The following CADPS variants were observed in gnomAD, a reference collection of about 807,000 sequenced individuals.
CADPS encodes calcium dependent secretion activator.
In CADPS, 57 loss-of-function variants were observed where a neutral mutation model predicts 167.3. The ratio of observed to expected loss-of-function variants is 0.34; its 90% CI spans 0.28 to 0.42. The LOEUF (loss-of-function observed/expected upper bound fraction) is 0.42, where lower values mean the gene tolerates loss of function less well. CADPS is among the 20% of genes least tolerant of loss of function. The pLI is 1.00. For synonymous variants in CADPS, 676 were observed against 635.3 expected (o/e 1.06, Z -0.96); for missense variants, 1,414 against 1,738.1 (o/e 0.81, Z 3.32).
At chr3:62,846,348 TA>T (rs2153072382) in intron 1 of CADPS, among the ~76,000 whole-genome samples, 1 of 152,358 alleles carries the variant, frequency 6.6e-6, no homozygotes, top group African/African-American at 2.4e-5. Flanking sequence ...GTGTAATGTA[TA>T]AATGTATAAT....
At chr3:62,648,764 C>T (rs1410878578) in intron 5 of CADPS, among the ~76,000 whole-genome samples, 4 of 149,302 alleles carry the variant, frequency 2.7e-5, no homozygotes, top group African/African-American at 4.9e-5. Context: ...ACTTTCCCCC[C>T]GTTTCTGTAG....
intron 1 of CADPS, among the ~76,000 whole-genome samples, chr3:62,841,105 C>T (rs1490485147): frequency 2.6e-5 from 4 of 152,266 alleles, no homozygotes; most frequent in Non-Finnish European, 4.4e-5. Flanking sequence ...CCCTGTAACA[C>T]GTTTTATTCT....
At chr3:62,450,382 C>A (rs1160412642) in intron 26 of CADPS, among the ~76,000 whole-genome samples, 1 of 152,184 alleles carries the variant, frequency 6.6e-6, no homozygotes, top group Non-Finnish European at 1.5e-5. Flanking sequence ...AGGACCAAGC[C>A]ATAGCCATGT....
chr3:62,521,225 A>G (rs555725706), intron 13 of CADPS, among the ~76,000 whole-genome samples: 1 of 152,304 alleles, frequency 6.6e-6, no homozygotes, highest in South Asian at 2.1e-4. Flanking sequence ...TTCTAGAGAA[A>G]AAAAATATTA....
chr3:62,710,184 A>G (rs1380252450), intron 3 of CADPS, among the ~76,000 whole-genome samples: 1 of 152,076 alleles, frequency 6.6e-6, no homozygotes, highest in Admixed American at 6.5e-5. Flanking sequence ...CTTAGCACTG[A>G]AATCTCCGTG....
Position 62,645,809 on chromosome 3 carries a change from A to T in CADPS, c.1238T>A (p.Leu413Ter), listed in dbSNP as rs1318190842. ...VIMEVQGLKSLAPNRIVYCTM... is the reference protein window; with the variant it reads ...VIMEVQGLKS The stretch of plus-strand genomic sequence containing the variant: ...GCAATATACGATGCGATTTGGAGCC[A>T]AAGATTTGAGGCCTTGGACTTCCAT... The change falls in exon 6 of 30, where the codon TTG (leucine) becomes TAG (stop). Residue 413 changes from leucine to a stop codon, truncating the protein, a stop_gained. Transcript: ENST00000383710. LOFTEE classifies it high-confidence loss of function. 6.2e-7 allele frequency: 1 copy of T among 1,614,108 alleles called. No homozygotes were observed. Among genetic ancestry groups the T allele is most frequent in the East Asian group, 2.2e-5 (1 of 44,866 alleles).
In CADPS at chr3:62,712,078, C is replaced by T. The variant is rs565811002; in HGVS notation, c.888+41363G>A. 1.1e-3 allele frequency among the ~76,000 whole-genome samples: 170 copies of T among 152,090 alleles called. 1 individual carries two copies. The highest frequency in any genetic ancestry group is 4.8e-3 in the South Asian group (23 of 4,812). On this transcript the variant is annotated intron_variant, in intron 3 of 29. Transcript: ENST00000383710. ...CTTTAATGACTACACAAAATTTCAA[C>T]GGTATTGTATGAAAATTTTAAACAA...
chr3:62,512,454 T>A (rs2068054613), intron 17 of CADPS, among the ~76,000 whole-genome samples: 1 of 152,106 alleles, frequency 6.6e-6, no homozygotes, highest in East Asian at 1.9e-4. Context: ...TTTTAAAAAA[T>A]GCACATGAGG....
intron 1 of CADPS, among the ~76,000 whole-genome samples, chr3:62,767,053 A>C (rs11720923): frequency 0.18 from 27,117 of 152,148 alleles, 2,895 homozygotes; most frequent in Middle Eastern, 0.27. Flanking sequence ...GTATCTTTTC[A>C]TTGGTTCTAA....
chr3:62,747,121 G>A (rs1179202710), intron 3 of CADPS, among the ~76,000 whole-genome samples: 2 of 152,150 alleles, frequency 1.3e-5, no homozygotes, highest in African/African-American at 4.8e-5. Context: ...GATGCCTAGT[G>A]CAAAGTAGAT....
Position 62,874,836 on chromosome 3 carries a change from C to T in CADPS, c.194G>A (p.Gly65Glu), listed in dbSNP as rs1387868263. The T allele has an allele frequency of 9.6e-7, 1 of 1,039,160 alleles. No homozygotes were observed. Among genetic ancestry groups the T allele is most frequent in the African/African-American group, 1.7e-5 (1 of 58,016 alleles). The allele number at this position is 1,039,160 out of a possible 1,614,324, so 64.4% of individuals were successfully genotyped here. ...AGAGVGAGGG[G>E]GSGASSGGGA... ...GCCGCCGCTGCTCGCGCCGCTGCCC[C>T]CGCCGCCGCCTGCACCCACCCCGGC... is the stretch of plus-strand genomic sequence containing the variant. The change falls in exon 1 of 30, where the codon GGG (glycine) becomes GAG (glutamate). Residue 65 changes from glycine to glutamate, a missense_variant. Physicochemically the swap from Gly to Glu is moderately conservative, Grantham distance 98. Around this residue, in one of 6 missense-constraint regions of CADPS, gnomAD observed 522 missense variants for 559.5 expected, o/e 0.93. Coordinates refer to ENST00000383710, the MANE Select transcript of CADPS (RefSeq NM_003716.4). This position sits in a 1 kb window ranked among gnomAD's most constrained non-coding sequence, Gnocchi z 7.1.
chr3:62,563,825 A>G (rs546351409), intron 9 of CADPS, among the ~76,000 whole-genome samples: 4 of 152,344 alleles, frequency 2.6e-5, no homozygotes, highest in African/African-American at 9.6e-5. Flanking sequence ...CTTCACTTAG[A>G]ATAATAGTCT....
At chr3:62,434,584 G>A (rs2054611320) in intron 28 of CADPS, among the ~76,000 whole-genome samples, 1 of 152,132 alleles carries the variant, frequency 6.6e-6, no homozygotes, top group Non-Finnish European at 1.5e-5. Flanking sequence ...CTGTTCTTAA[G>A]TTACGTAATA....
chr3:62,401,777 C>G (rs1358506572), intron 29 of CADPS, among the ~76,000 whole-genome samples: 1 of 151,960 alleles, frequency 6.6e-6, no homozygotes, highest in Non-Finnish European at 1.5e-5. Flanking sequence ...TAAACCTCCC[C>G]TCTGACTTAT....
At chr3:62,411,898 A>G (rs2049029924) in intron 28 of CADPS, among the ~76,000 whole-genome samples, 1 of 152,204 alleles carries the variant, frequency 6.6e-6, no homozygotes, top group African/African-American at 2.4e-5. Flanking sequence ...TGCCGTTGAA[A>G]GATACAATCT....
rs57601053 is a variant in CADPS, at chr3:62,603,340, G to T, written c.1326-10592C>A. 3.9e-3 allele frequency among the ~76,000 whole-genome samples: 591 copies of T among 152,336 alleles called. 3 individuals carry two copies. The highest frequency in any genetic ancestry group is 0.013 in the African/African-American group (550 of 41,584). Reference sequence around the variant, plus strand: ...ATTATTTGGTATGGTTCAAGAGGAAGTGAGGAAAATTCCATGCTATAAACT... The same window carrying T: ...ATTATTTGGTATGGTTCAAGAGGAATTGAGGAAAATTCCATGCTATAAACT... On this transcript the variant is annotated intron_variant, in intron 6 of 29. Coordinates refer to ENST00000383710, the MANE Select transcript of CADPS (RefSeq NM_003716.4).
chr3:62,578,120 C>T (rs2082650962), intron 8 of CADPS, among the ~76,000 whole-genome samples: 3 of 149,184 alleles, frequency 2.0e-5, no homozygotes, highest in Non-Finnish European at 4.4e-5. Context: ...ATAAGAAATG[C>T]ACTTTTTAAA....
intron 6 of CADPS, among the ~76,000 whole-genome samples, chr3:62,613,358 T>C (rs528335549): frequency 8.5e-5 from 13 of 152,334 alleles, no homozygotes; most frequent in Admixed American, 5.9e-4. Flanking sequence ...TACCTAAGCA[T>C]TGGCAGTTTA....
chr3:62,733,095 A>G lies in CADPS; in HGVS notation c.888+20346T>C, dbSNP rs1047806069. ...AATGGGTTAATCAGAGTTCTGTGAC[A>G]AAGATTAAGCATACTTCCAATTAAC... On this transcript the variant is annotated intron_variant, in intron 3 of 29. Transcript: ENST00000383710. 1.8e-4 allele frequency among the ~76,000 whole-genome samples: 27 copies of G among 152,200 alleles called. 1 individual carries two copies. Among genetic ancestry groups the G allele is most frequent in the Admixed American group, 1.8e-3 (27 of 15,282 alleles).
Sources: gnomAD v4.1 joint callset for allele counts (sites outside exome capture counted in the v4.1 genomes callset) on GRCh38, gnomAD v4.1.1 for gene constraint, gnomAD v4.1.1 regional missense constraint, Gnocchi (gnomAD v3.1) non-coding constraint, MANE v1.5 for transcripts, NCBI Gene and HGNC (gene_info 2026-07-23, HGNC 2026-07-21) for gene names.